Variants in LCAT observed in about 807,000 individuals in gnomAD.
The protein encoded by LCAT is lecithin-cholesterol acyltransferase, also known as phosphatidylcholine-sterol acyltransferase.
Under a neutral mutation model 41.0 loss-of-function variants are expected in LCAT, and 15 were observed. The ratio of observed to expected loss-of-function variants is 0.37; its 90% CI spans 0.24 to 0.56. The LOEUF is 0.56. Ranked by LOEUF, LCAT falls within the 20% of genes least tolerant of loss-of-function variation. LCAT has a pLI of 0.81. For missense variants in LCAT, 449 were observed against 595.1 expected, an observed-to-expected ratio of 0.75 and a Z score of 2.55; for synonymous variants, 248 against 245.4, an observed-to-expected ratio of 1.01 and a Z score of -0.10.
Position 67,939,959 on chromosome 16 carries a change from C to T in LCAT, c.1268G>A (p.Arg423His), listed in dbSNP as rs767963075. 10 of 1,613,534 alleles carry T rather than the reference C, an allele frequency of 6.2e-6. No homozygotes were observed. In the East Asian group the frequency reaches 6.7e-5, roughly 11 times the overall value. Reference sequence around the variant, plus strand: ...AGTCGGGGATGCAGGGGGACCCTGGCGGTAGGCACCCAGCAGGATGGCATT... The same window carrying T: ...AGTCGGGGATGCAGGGGGACCCTGGTGGTAGGCACCCAGCAGGATGGCATT... ...HINAILLGAY[R>H]QGPPASPTAS... Residue 423 changes from arginine (R) to histidine (H), a missense_variant, in exon 6 of 6, where the codon CGC becomes CAC. By Grantham distance (29) the Arg-to-His change is conservative (BLOSUM62 0). Transcript: ENST00000264005.
At chr16:67,941,573 C>T (rs886724479) in intron 5 of LCAT, 4 of 924,284 alleles carry the variant, frequency 4.3e-6, no homozygotes, top group African/African-American at 1.8e-5. Context: ...GCTATGATCA[C>T]GCCACTGCAC....
intron 5 of LCAT, chr16:67,941,646 T>A: frequency 4.1e-6 from 4 of 985,030 alleles, no homozygotes; most frequent in Non-Finnish European, 4.8e-6. Flanking sequence ...CGGGGCTTCC[T>A]GAGGACCAGG....
At position 67,942,271 on chromosome 16, in the gene LCAT, A is replaced by G; in HGVS notation, c.748+92T>C. 1 of 1,399,258 alleles carries G rather than the reference A, an allele frequency of 7.1e-7. No individual in the cohort carries two copies. The highest frequency in any genetic ancestry group is 1.2e-5 in the South Asian group (1 of 83,128). The allele number at this position is 1,399,258 out of a possible 1,614,324, so 86.7% of individuals were successfully genotyped here. On this transcript the variant is annotated intron_variant, in intron 5 of 5. Coordinates refer to ENST00000264005, the MANE Select transcript of LCAT (RefSeq NM_000229.2). This position sits in a 1 kb window ranked among gnomAD's most constrained non-coding sequence, Gnocchi z 6.6. ...CAGGAGTGGTAGATAGCACCCCTAG[A>G]GGCCACTGTGAGCAGGAGCCGCAAT...
At position 67,943,987 on chromosome 16, in the gene LCAT, T is replaced by A. The variant is rs1389355640; in HGVS notation, c.115A>T (p.Lys39Ter). Residue 39 changes from lysine to a stop codon, truncating the protein, a stop_gained, in exon 1 of 6, where the codon AAG becomes TAG. Transcript: ENST00000264005. LOFTEE classifies it high-confidence loss of function. The surrounding 1 kb of genome is among the most constrained non-coding windows in gnomAD (Gnocchi z 4.6). The stretch of plus-strand genomic sequence containing the variant: ...CGTGTGTGGTTACTGAGCTCAGCCT[T>A]GGGCGTGGTGTGCGGGGGGAAGAGC... ...NVLFPPHTTP[K>*]AELSNHTRPV... 3 of 1,548,188 alleles carry A rather than the reference T, an allele frequency of 1.9e-6. No individual in the cohort carries two copies. The highest frequency in any genetic ancestry group is 2.7e-5 in the African/African-American group (2 of 72,928).
chr16:67,941,550 G>A (rs2058290457), intron 5 of LCAT: 1 of 794,832 alleles, frequency 1.3e-6, no homozygotes, highest in South Asian at 5.7e-5. Context: ...GGGCCAGGGA[G>A]ATTGAGACTG....
chr16:67,941,833 T>A, intron 5 of LCAT: 2 of 1,044,244 alleles, frequency 1.9e-6, no homozygotes, highest in South Asian at 6.8e-5. Flanking sequence ...TGTTTATTGG[T>A]GGTGTCTGAT....
rs1356556178 is a variant in LCAT at position 67,942,825 on chromosome 16, A to C, written c.427+36T>G. 6.2e-6 allele frequency: 10 copies of C among 1,612,404 alleles called. No individual in the cohort carries two copies. The highest frequency in any genetic ancestry group is 8.5e-6 in the Non-Finnish European group (10 of 1,179,358). On this transcript the variant is annotated intron_variant, in intron 3 of 5. Transcript: ENST00000264005. This position sits in a 1 kb window ranked among gnomAD's most constrained non-coding sequence, Gnocchi z 6.6. ...CCATGCCTGCTGTGGGCCAGCACCCAGGCCTGGAGCCCCAGCCCTGCCCTC... is the reference window on the plus strand; with the variant it reads ...CCATGCCTGCTGTGGGCCAGCACCCCGGCCTGGAGCCCCAGCCCTGCCCTC...
In LCAT at chr16:67,942,985, C is replaced by T. The variant is rs1567409247; in HGVS notation, c.312-9G>A. 3.1e-6 allele frequency: 5 copies of T among 1,613,502 alleles called. No homozygotes were observed. The highest frequency in any genetic ancestry group is 1.7e-5 in the Admixed American group (1 of 59,994). ...TCCGGTTGTAGACAACCCTGCGGGG[C>T]GGGGGTGCCACTCAGCAGCCAGTAG... On this transcript the variant is annotated splice_polypyrimidine_tract_variant and intron_variant, in intron 2 of 5. Coordinates refer to ENST00000264005, the MANE Select transcript of LCAT (RefSeq NM_000229.2). The surrounding 1 kb of genome is among the most constrained non-coding windows in gnomAD (Gnocchi z 6.6).
chr16:67,941,587 AG>A, intron 5 of LCAT: 2 of 971,760 alleles, frequency 2.1e-6, no homozygotes, highest in Non-Finnish European at 2.4e-6. Flanking sequence ...ACTGCACTCC[AG>A]CCTGGGCGAC....
chr16:67,943,262 T>C lies in LCAT; in HGVS notation c.155-50A>G. 6.7e-7 allele frequency: 1 copy of C among 1,494,024 alleles called. No individual in the cohort carries two copies. Among genetic ancestry groups the C allele is most frequent in the Non-Finnish European group, 9.1e-7 (1 of 1,097,864 alleles). The allele number at this position is 1,494,024 out of a possible 1,614,324, so 92.5% of individuals were successfully genotyped here. Reference sequence around the variant, plus strand: ...GACTCTGGATTCCCCCCGTGACCCTTACCCCCGTCACCCCAGATGCTGCAG... The same window carrying C: ...GACTCTGGATTCCCCCCGTGACCCTCACCCCCGTCACCCCAGATGCTGCAG... On this transcript the variant is annotated intron_variant, in intron 1 of 5. Transcript: ENST00000264005. This position sits in a 1 kb window ranked among gnomAD's most constrained non-coding sequence, Gnocchi z 4.6.
In LCAT at chr16:67,940,081, C is replaced by T; in HGVS notation, c.1146G>A (p.Leu382=). The change falls in exon 6 of 6, where the codon CTG becomes CTA. Residue 382 remains leucine (L), a synonymous_variant. Coordinates refer to ENST00000264005, the MANE Select transcript of LCAT (RefSeq NM_000229.2). ...VATRSTELCG[L]WQGRQPQPVH... ...CAGGCTGTGGCTGGCGGCCCTGCCA[C>T]AGGCCACAGAGCTCGGTGCTGCGGG... 6.2e-7 allele frequency: 1 copy of T among 1,613,106 alleles called. No individual in the cohort carries two copies. The highest frequency in any genetic ancestry group is 8.5e-7 in the Non-Finnish European group (1 of 1,180,016).
intron 5 of LCAT, chr16:67,941,737 CTT>C (rs1452685972): frequency 1.0e-6 from 1 of 999,778 alleles, no homozygotes; most frequent in Non-Finnish European, 1.2e-6. Context: ...GGGCATGTGT[CTT>C]TCTGCTCCTT....
rs761864380 is a variant in LCAT, at chr16:67,942,462, G to A, written c.649C>T (p.Arg217Cys). The change falls in exon 5 of 6, where the codon CGC (arginine) becomes TGC (cysteine). Residue 217 changes from arginine (R) to cysteine (C), a missense_variant. Physicochemically the swap from Arg to Cys is radical, Grantham distance 180 (BLOSUM62 -3). Coordinates refer to ENST00000264005, the MANE Select transcript of LCAT (RefSeq NM_000229.2). This position sits in a 1 kb window ranked among gnomAD's most constrained non-coding sequence, Gnocchi z 6.6. ...CGGTCCTTCCAGGCCTGGGGCTGGC[G>A]CAGCAGGAAATAGAGCAAGTGTAGA... is the stretch of plus-strand genomic sequence containing the variant. ...GCLHLLYFLL[R>C]QPQAWKDRFI... 3.2e-5 allele frequency: 52 copies of A among 1,613,782 alleles called. No homozygotes were observed. The highest frequency in any genetic ancestry group is 4.5e-5 in the East Asian group (2 of 44,894).
Position 67,940,327 on chromosome 16 carries a change from A to C in LCAT, c.900T>G (p.Arg300=). ...ISTPSFNYTG[R]DFQRFFADLH... ...GGTCTGCAAAGAAGCGTTGGAAGTC[A>C]CGGCCTGTGTAGTTGAAGCTGGGTG... The change falls in exon 6 of 6, where the codon CGT becomes CGG. Residue 300 remains arginine (R), a synonymous_variant. Coordinates refer to ENST00000264005, the MANE Select transcript of LCAT (RefSeq NM_000229.2). 6.2e-7 allele frequency: 1 copy of C among 1,614,158 alleles called. No homozygotes were observed. The highest frequency in any genetic ancestry group is 8.5e-7 in the Non-Finnish European group (1 of 1,180,042).
In LCAT at chr16:67,940,303, G is replaced by T; in HGVS notation, c.924C>A (p.Asp308Glu). The T allele has an allele frequency of 6.2e-7, 1 of 1,614,172 alleles. No homozygotes were observed. Among genetic ancestry groups the T allele is most frequent in the Non-Finnish European group, 8.5e-7 (1 of 1,180,036 alleles). The change falls in exon 6 of 6, where the codon GAC (aspartate) becomes GAA (glutamate). Residue 308 changes from aspartate to glutamate, a missense_variant. Physicochemically the swap from Asp to Glu is conservative, Grantham distance 45. Coordinates refer to ENST00000264005, the MANE Select transcript of LCAT (RefSeq NM_000229.2). Reference protein sequence around the residue: ...TGRDFQRFFADLHFEEGWYMW... With the variant: ...TGRDFQRFFAELHFEEGWYMW... Reference sequence around the variant, plus strand: ...TGTACCAGCCTTCCTCAAAGTGCAGGTCTGCAAAGAAGCGTTGGAAGTCAC... The same window carrying T: ...TGTACCAGCCTTCCTCAAAGTGCAGTTCTGCAAAGAAGCGTTGGAAGTCAC...
chr16:67,940,574 T>C (rs935804380), intron 5 of LCAT, 96 bp from the exon 6 acceptor site: 7 of 1,552,656 alleles, frequency 4.5e-6, no homozygotes, highest in African/African-American at 1.4e-5. Context: ...CTCAATCTTG[T>C]CCCTGCCCAA....
intron 5 of LCAT, chr16:67,940,761 G>A (rs970029334): frequency 2.5e-5 from 11 of 446,692 alleles, no homozygotes; most frequent in African/African-American, 2.2e-4. Flanking sequence ...CACTTTGGGA[G>A]GCTGAGGCAG....
chr16:67,943,799 A>T lies in LCAT; in HGVS notation c.154+149T>A. 1 of 724,476 alleles carries T rather than the reference A, an allele frequency of 1.4e-6. No individual in the cohort carries two copies. The highest frequency in any genetic ancestry group is 2.2e-6 in the Non-Finnish European group (1 of 446,530). 44.9% of individuals were successfully genotyped at this position (724,476 alleles called of 1,614,324 possible). On this transcript the variant is annotated intron_variant, in intron 1 of 5. Transcript: ENST00000264005. This position sits in a 1 kb window ranked among gnomAD's most constrained non-coding sequence, Gnocchi z 4.6. The stretch of plus-strand genomic sequence containing the variant: ...AAGGGACGTCATTCCTCTAAGGGAC[A>T]AGCTTTTGGCCCCTCCCCACACCAG...
rs751707443 is a variant in LCAT, at chr16:67,940,183, G to T, written c.1044C>A (p.Thr348=). The change falls in exon 6 of 6, where the codon ACC becomes ACA. Residue 348 remains threonine (T), a synonymous_variant. Transcript: ENST00000264005. ...LYGVGLPTPR[T]YIYDHGFPYT... ...AGGGGAAGCCGTGGTCGTAGATGTAGGTGCGGGGCGTGGGCAGGCCCACGC... is the reference window on the plus strand; with the variant it reads ...AGGGGAAGCCGTGGTCGTAGATGTATGTGCGGGGCGTGGGCAGGCCCACGC... The T allele has an allele frequency of 7.7e-5, 124 of 1,612,510 alleles. No homozygotes were observed. The highest frequency in any genetic ancestry group is 1.0e-4 in the Non-Finnish European group (119 of 1,179,864).
Sources: allele counts gnomAD v4.1 joint callset, GRCh38; gene constraint gnomAD v4.1.1; non-coding constraint Gnocchi (gnomAD v3.1); transcripts MANE v1.5; gene names NCBI Gene and HGNC (gene_info 2026-07-23, HGNC 2026-07-21).